The following ACSL3 variants were observed in gnomAD, a reference collection of about 807,000 sequenced individuals.
ACSL3 encodes the protein fatty acid CoA ligase Acsl3.
Under a neutral mutation model 84.7 loss-of-function variants are expected in ACSL3, and 34 were observed. The ratio of observed to expected loss-of-function variants is 0.40; its 90% confidence interval spans 0.31 to 0.53. The LOEUF is 0.53. Among genes scored for constraint, ACSL3 ranks in the 20% least tolerant of loss-of-function variants. The pLI is 0.48. For missense variants in ACSL3, 680 were observed against 873.1 expected, an observed-to-expected ratio of 0.78 and a Z score of 2.79; for synonymous variants, 315 against 299.4, an observed-to-expected ratio of 1.05 and a Z score of -0.54.
intron 1 of ACSL3, among the ~76,000 whole-genome samples, chr2:222,862,160 CTTTTATTA>C (rs1695031283): frequency 6.6e-6 from 1 of 152,194 alleles, no homozygotes; most frequent in African/African-American, 2.4e-5. Context: ...ATTTATTGAG[CTTTTATTA>C]CATGCCACGC....
intron 2 of ACSL3, among the ~76,000 whole-genome samples, chr2:222,897,039 T>A (rs1265035587): frequency 1.6e-4 from 2 of 12,460 alleles, no homozygotes; most frequent in Non-Finnish European, 2.4e-4. Context: ...CACTTCCCAG[T>A]GGGGGCGGCC....
In ACSL3 at chr2:222,916,496, C is replaced by A; in HGVS notation, c.556C>A (p.Leu186Ile). The A allele has an allele frequency of 6.4e-7, 1 of 1,570,662 alleles. No homozygotes were observed. ...GGCGTGTTTTATGTATAATTTTCAG[C>A]GTATGTAGACTTTCTTATCTTCTGG... ...AQACFMYNFQ[L>I]VTLYATLGGP... The change falls in exon 5 of 17, where the codon CTT becomes ATT. Residue 186 changes from leucine (L) to isoleucine (I), a missense_variant and splice_region_variant. Physicochemically the swap from Leu to Ile is conservative, Grantham distance 5. Coordinates refer to ENST00000357430, the MANE Select transcript of ACSL3 (RefSeq NM_004457.5).
intron 1 of ACSL3, among the ~76,000 whole-genome samples, chr2:222,879,828 G>A (rs941080687): frequency 2.0e-5 from 3 of 152,162 alleles, no homozygotes; most frequent in Non-Finnish European, 4.4e-5. Flanking sequence ...CGTAGGCCAG[G>A]CAATGTGGAC....
intron 14 of ACSL3, 127 bp downstream of exon 14, chr2:222,930,939 C>T (rs1277674900): frequency 2.0e-5 from 16 of 798,438 alleles, no homozygotes; most frequent in Admixed American, 2.9e-5. Context: ...GTTGTTGCAT[C>T]ACTCCTGGAA....
At chr2:222,875,104 A>T (rs1294541628) in intron 1 of ACSL3, among the ~76,000 whole-genome samples, 1 of 150,766 alleles carries the variant, frequency 6.6e-6, no homozygotes. Context: ...AATGTTAAGG[A>T]TAATATATAC....
At chr2:222,873,638 G>T (rs1336377582) in intron 1 of ACSL3, among the ~76,000 whole-genome samples, 2 of 152,120 alleles carry the variant, frequency 1.3e-5, no homozygotes, top group Non-Finnish European at 2.9e-5. Flanking sequence ...AACAAAAGTG[G>T]AAATATATTG....
chr2:222,898,442 T>A (rs572671277), intron 2 of ACSL3, among the ~76,000 whole-genome samples: 184 of 152,312 alleles, frequency 1.2e-3, no homozygotes, highest in Non-Finnish European at 2.1e-3. Context: ...AATGAATCTG[T>A]CACAGGAGTT....
intron 4 of ACSL3, among the ~76,000 whole-genome samples, chr2:222,911,249 A>G (rs1696433268): frequency 6.6e-6 from 1 of 152,014 alleles, no homozygotes; most frequent in Non-Finnish European, 1.5e-5. Context: ...AGGTTTCTCC[A>G]TGTTGGTCAG....
Position 222,914,234 on chromosome 2 carries a change from C to CGTGTGT in ACSL3, c.379-2046_379-2041dup, listed in dbSNP as rs57546680. Among the ~76,000 whole-genome samples, 1,257 of 140,246 alleles carry CGTGTGT rather than the reference C, an allele frequency of 9.0e-3. 13 individuals are homozygous for CGTGTGT. Among genetic ancestry groups the CGTGTGT allele is most frequent in the African/African-American group, 0.027 (1,015 of 37,034 alleles). The allele number at this position is 140,246 out of a possible 152,430, so 92.0% of individuals were successfully genotyped here. A position where few individuals can be genotyped will look rare whatever the true frequency, so the allele number is the denominator to read the frequency against. ...AGGAAGGGTGGAAGGTGTGTGTGTA[C>CGTGTGT]GTGTGTGTGTGTGTGTGTGTGTGTG... On this transcript the variant is annotated intron_variant, in intron 4 of 16. Coordinates refer to ENST00000357430, the MANE Select transcript of ACSL3 (RefSeq NM_004457.5).
chr2:222,900,513 G>A (rs950671394), intron 2 of ACSL3, among the ~76,000 whole-genome samples, 161 bp from the exon 3 acceptor site: 5 of 151,990 alleles, frequency 3.3e-5, no homozygotes, highest in Non-Finnish European at 7.4e-5. Flanking sequence ...TCTTAAACCC[G>A]TATTTTCAAG....
chr2:222,936,028 G>T (rs1697162695), intron 16 of ACSL3, among the ~76,000 whole-genome samples: 1 of 151,740 alleles, frequency 6.6e-6, no homozygotes, highest in Admixed American at 6.6e-5. Flanking sequence ...TTATTCTTTT[G>T]TGACTGTCTT....
chr2:222,925,819 A>C (rs190327601), intron 11 of ACSL3, among the ~76,000 whole-genome samples: 88 of 152,222 alleles, frequency 5.8e-4, no homozygotes, highest in Admixed American at 1.3e-3. Context: ...TTAAAGCTTT[A>C]AATGATCAGT....
intron 16 of ACSL3, among the ~76,000 whole-genome samples, chr2:222,938,545 A>G (rs1394631360): frequency 2.0e-5 from 3 of 152,076 alleles, no homozygotes; most frequent in Non-Finnish European, 4.4e-5. Flanking sequence ...GTATGTGATG[A>G]GTCATTTTTC....
At chr2:222,889,666 G>A (rs1695799031) in intron 2 of ACSL3, among the ~76,000 whole-genome samples, 1 of 152,246 alleles carries the variant, frequency 6.6e-6, no homozygotes, top group African/African-American at 2.4e-5. Flanking sequence ...AGTATGGAAG[G>A]AGACGGAGAC....
intron 16 of ACSL3, among the ~76,000 whole-genome samples, chr2:222,936,618 C>T (rs1249800034): frequency 1.5e-5 from 2 of 136,480 alleles, no homozygotes; most frequent in Admixed American, 7.4e-5. Context: ...TCCCCCCCCA[C>T]CCCACCCCCG....
In ACSL3 at chr2:222,938,516, G is replaced by A. The variant is rs186385794; in HGVS notation, c.2006-2981G>A. Among the ~76,000 whole-genome samples the A allele has an allele frequency of 6.6e-5, 10 of 152,216 alleles. No individual in the cohort carries two copies. The East Asian group carries it at 1.9e-3, about 29-fold the overall frequency. On this transcript the variant is annotated intron_variant, in intron 16 of 16. Coordinates refer to ENST00000357430, the MANE Select transcript of ACSL3 (RefSeq NM_004457.5). ...GCCAGTTTTCTGCTGATAAATGATA[G>A]TTCAATGAGAGCTTCTTTGTATGTG...
intron 2 of ACSL3, among the ~76,000 whole-genome samples, chr2:222,891,501 C>T (rs905692280): frequency 1.3e-5 from 2 of 152,068 alleles, no homozygotes; most frequent in Admixed American, 1.3e-4. Context: ...TGCCTGATTT[C>T]TGTTTCCTGT....
intron 4 of ACSL3, among the ~76,000 whole-genome samples, chr2:222,912,709 A>C (rs1396152529): frequency 6.6e-6 from 1 of 152,158 alleles, no homozygotes; most frequent in Non-Finnish European, 1.5e-5. Flanking sequence ...GGATGAGTGG[A>C]TGAAAAAAGG....
chr2:222,901,912 C>T (rs1260413247), intron 3 of ACSL3, among the ~76,000 whole-genome samples: 5 of 125,830 alleles, frequency 4.0e-5, no homozygotes, highest in Non-Finnish European at 6.2e-5. Flanking sequence ...CCACTGCACT[C>T]CAGCCTGGGT....
Sources: allele counts gnomAD v4.1 joint callset (sites outside exome capture counted in the v4.1 genomes callset), GRCh38; gene constraint gnomAD v4.1.1; transcripts MANE v1.5; gene names NCBI Gene and HGNC (gene_info 2026-07-23, HGNC 2026-07-21).